Variants in ALX4 observed in about 807,000 individuals in gnomAD.
The protein encoded by ALX4 is homeobox protein aristaless-like 4.
Under a neutral mutation model 40.6 loss-of-function variants are expected in ALX4, and 22 were observed. The observed-to-expected ratio is 0.54, with a 90% CI of 0.39 to 0.77. ALX4 has a LOEUF of 0.77. Among genes scored for constraint, ALX4 ranks in the 30% least tolerant of loss-of-function variants. ALX4 has a pLI of 0.00. For synonymous variants in ALX4, 266 were observed against 240.5 expected (o/e 1.11, Z -0.98); for missense variants, 556 against 564.8 (o/e 0.98, Z 0.16).
chr11:44,283,365 A>C (rs896536021), intron 1 of ALX4, among the ~76,000 whole-genome samples: 11 of 152,354 alleles, frequency 7.2e-5, no homozygotes, highest in Middle Eastern at 6.8e-3. Flanking sequence ...AAAAGTTTAT[A>C]TGCCTTCACC....
At chr11:44,305,314 T>C (rs996969660) in intron 1 of ALX4, among the ~76,000 whole-genome samples, 8 of 152,236 alleles carry the variant, frequency 5.3e-5, no homozygotes, top group Non-Finnish European at 1.2e-4. Flanking sequence ...CCTCTGTTTT[T>C]CTATTTAACA....
chr11:44,287,613 A>G (rs987502912), intron 1 of ALX4, among the ~76,000 whole-genome samples: 1 of 151,836 alleles, frequency 6.6e-6, no homozygotes, highest in Admixed American at 6.6e-5. Context: ...AAAGAAAAGA[A>G]AAGAAAAGAA....
chr11:44,283,132 A>C (rs1956319516), intron 1 of ALX4, among the ~76,000 whole-genome samples: 1 of 151,946 alleles, frequency 6.6e-6, no homozygotes, highest in Admixed American at 6.6e-5. Flanking sequence ...CTATAATCCC[A>C]GCTACTTGGG....
intron 2 of ALX4, among the ~76,000 whole-genome samples, chr11:44,272,931 G>A (rs1956257228): frequency 6.6e-6 from 1 of 152,204 alleles, no homozygotes; most frequent in Admixed American, 6.5e-5. Context: ...CATATTTACT[G>A]ATAACCACTA....
At chr11:44,266,592 CCGTGCTA>C (rs1307478962) in intron 3 of ALX4, among the ~76,000 whole-genome samples, 1 of 152,146 alleles carries the variant, frequency 6.6e-6, no homozygotes, top group Non-Finnish European at 1.5e-5. Flanking sequence ...GCAGGGGCGC[CCGTGCTA>C]CTGGCTGGCT....
intron 1 of ALX4, among the ~76,000 whole-genome samples, chr11:44,306,966 A>G (rs1044202444): frequency 6.6e-6 from 1 of 152,102 alleles, no homozygotes; most frequent in African/African-American, 2.4e-5. Flanking sequence ...CTTGCTGTTT[A>G]TTGTTTGTGG....
At position 44,264,843 on chromosome 11, in the gene ALX4, G is replaced by A; in HGVS notation, c.*11C>T. ...GGTGTCCCGAGGTGGGGACGGGGCA[G>A]GGGTGCCCTGTCATGTGGCCCAGGA... is the stretch of plus-strand genomic sequence containing the variant. On this transcript the variant is annotated 3_prime_UTR_variant, in exon 4 of 4. Transcript: ENST00000652299. The A allele has an allele frequency of 6.2e-7, 1 of 1,611,836 alleles. No homozygotes were observed. The highest frequency in any genetic ancestry group is 1.1e-5 in the South Asian group (1 of 91,030).
chr11:44,266,441 C>G (rs1307597867), intron 3 of ALX4, among the ~76,000 whole-genome samples: 1 of 151,954 alleles, frequency 6.6e-6, no homozygotes, highest in Non-Finnish European at 1.5e-5. Context: ...CCCCATATTC[C>G]TCAGCCTCAC....
At chr11:44,295,915 C>T (rs1956400146) in intron 1 of ALX4, among the ~76,000 whole-genome samples, 1 of 152,254 alleles carries the variant, frequency 6.6e-6, no homozygotes, top group Admixed American at 6.5e-5. Context: ...AAGACTGTGG[C>T]TCTAGAGTCC....
At chr11:44,296,504 C>G (rs1341464132) in intron 1 of ALX4, among the ~76,000 whole-genome samples, 1 of 152,142 alleles carries the variant, frequency 6.6e-6, no homozygotes, top group Non-Finnish European at 1.5e-5. Flanking sequence ...AGGACAGTAT[C>G]CAGGGAGTGA....
chr11:44,291,098 T>A (rs2863058), intron 1 of ALX4, among the ~76,000 whole-genome samples: 3 of 152,030 alleles, frequency 2.0e-5, no homozygotes, highest in Non-Finnish European at 4.4e-5. Context: ...CATAAACCTC[T>A]GTCAAAAGTA....
intron 1 of ALX4, among the ~76,000 whole-genome samples, chr11:44,304,056 A>C (rs1415121349): frequency 6.6e-6 from 1 of 152,218 alleles, no homozygotes; most frequent in Non-Finnish European, 1.5e-5. Flanking sequence ...CCTTCCAGCA[A>C]AGGGCCCTGT....
At chr11:44,301,237 AC>A (rs984974257) in intron 1 of ALX4, among the ~76,000 whole-genome samples, 3 of 151,902 alleles carry the variant, frequency 2.0e-5, no homozygotes, top group Non-Finnish European at 2.9e-5. Flanking sequence ...CTTGAGTGAG[AC>A]CCCCCAACAT....
chr11:44,268,346 G>A (rs1333573991), intron 2 of ALX4, among the ~76,000 whole-genome samples: 2 of 152,222 alleles, frequency 1.3e-5, no homozygotes, highest in Non-Finnish European at 2.9e-5. Flanking sequence ...GGGAGAGAAA[G>A]AAACAGAGTC....
chr11:44,276,025 C>T (rs1254700504), intron 1 of ALX4, among the ~76,000 whole-genome samples: 3 of 152,150 alleles, frequency 2.0e-5, no homozygotes, highest in African/African-American at 4.8e-5. Context: ...TTCTGGGGCC[C>T]GAGAATTCTG....
At chr11:44,269,552 G>A (rs1462590177) in intron 2 of ALX4, among the ~76,000 whole-genome samples, 1 of 152,234 alleles carries the variant, frequency 6.6e-6, no homozygotes, top group Non-Finnish European at 1.5e-5. Flanking sequence ...CTACACGCAC[G>A]TGCATGTGTG....
intron 3 of ALX4, among the ~76,000 whole-genome samples, chr11:44,265,947 C>T (rs746743398): frequency 3.3e-5 from 5 of 152,034 alleles, no homozygotes; most frequent in African/African-American, 4.8e-5. Context: ...CTTCTAGGCA[C>T]GTATAAGGAG....
intron 1 of ALX4, among the ~76,000 whole-genome samples, chr11:44,277,653 C>T (rs1956285521): frequency 6.6e-6 from 1 of 152,238 alleles, no homozygotes; most frequent in African/African-American, 2.4e-5. Context: ...GCTGAAGCTT[C>T]AGACTCGTCT....
chr11:44,295,837 C>T (rs1406580732), intron 1 of ALX4, among the ~76,000 whole-genome samples: 1 of 152,220 alleles, frequency 6.6e-6, no homozygotes, highest in Non-Finnish European at 1.5e-5. Context: ...CCAAAGGCCA[C>T]GTCCTCATGG....
Sources: allele counts gnomAD v4.1 joint callset (sites outside exome capture counted in the v4.1 genomes callset), GRCh38; gene constraint gnomAD v4.1.1; transcripts MANE v1.5; gene names NCBI Gene and HGNC (gene_info 2026-07-23, HGNC 2026-07-21).